Variants in TAOK2 observed in about 807,000 individuals in gnomAD.
TAOK2 encodes the protein TAO kinase 2.
Under a neutral mutation model 122.5 loss-of-function variants are expected in TAOK2, and 42 were observed. The ratio of observed to expected loss-of-function variants is 0.34; its 90% CI spans 0.27 to 0.44. The LOEUF (loss-of-function observed/expected upper bound fraction) is 0.44, where lower values mean the gene tolerates loss of function less well. TAOK2 is among the 20% of genes least tolerant of loss of function. TAOK2 has a pLI of 1.00. For synonymous variants in TAOK2, 704 were observed against 677.6 expected, an observed-to-expected ratio of 1.04 and a Z score of -0.61; for missense variants, 1,264 against 1,644.9, an observed-to-expected ratio of 0.77 and a Z score of 4.01.
chr16:29,989,700 G>T (rs1438630126), downstream of TAOK2: 9 of 1,614,096 alleles, frequency 5.6e-6, no homozygotes, highest in Non-Finnish European at 7.6e-6. Flanking sequence ...CCAAAGCTCA[G>T]CACAAGAGCC....
chr16:29,982,051 A>C (rs994466913), intron 10 of TAOK2, 111 bp downstream of exon 10: 13 of 870,650 alleles, frequency 1.5e-5, no homozygotes, highest in Non-Finnish European at 2.4e-5. Context: ...AGCTTCGTTG[A>C]TGAATTCCCA....
chr16:29,980,733 T>TC (rs947540051), intron 8 of TAOK2: 2 of 152,198 alleles, frequency 1.3e-5, no homozygotes, highest in African/African-American at 4.8e-5. Flanking sequence ...GCTAGATCTG[T>TC]CCATTTTATT....
Position 29,979,518 on chromosome 16 carries a change from T to G in TAOK2, c.655+10T>G, listed in dbSNP as rs1168562889. 1 of 1,507,714 alleles carries G rather than the reference T, an allele frequency of 6.6e-7. No homozygotes were observed. The highest frequency in any genetic ancestry group is 1.4e-5 in the African/African-American group (1 of 71,488). 93.4% of individuals were successfully genotyped at this position (1,507,714 alleles called of 1,614,324 possible). A position where few individuals can be genotyped will look rare whatever the true frequency, so the allele number is the denominator to read the frequency against. On this transcript the variant is annotated intron_variant, in intron 8 of 15. Coordinates refer to ENST00000308893, the MANE Select transcript of TAOK2 (RefSeq NM_016151.4). This position sits in a 1 kb window ranked among gnomAD's most constrained non-coding sequence, Gnocchi z 4.1. ...ACCTGCATCGAGCTGGGTAAGAACATCCTCCCTGTTCCCTCATCATCTTTT... is the reference window on the plus strand; with the variant it reads ...ACCTGCATCGAGCTGGGTAAGAACAGCCTCCCTGTTCCCTCATCATCTTTT...
At chr16:29,981,633 CCTT>C (rs1337490862) in intron 8 of TAOK2, 25 bp from the exon 9 acceptor site, 6 of 1,610,702 alleles carry the variant, frequency 3.7e-6, no homozygotes, top group South Asian at 2.2e-5. Flanking sequence ...CCACCTCTCA[CCTT>C]CTTCCCTTTC....
Position 29,985,216 on chromosome 16 carries a change from A to C in TAOK2, c.1426A>C (p.Ser476Arg), listed in dbSNP as rs761841772. 1 of 1,498,560 alleles carries C rather than the reference A, an allele frequency of 6.7e-7. No individual in the cohort carries two copies. The highest frequency in any genetic ancestry group is 1.4e-5 in the South Asian group (1 of 72,016). The allele number at this position is 1,498,560 out of a possible 1,614,324, so 92.8% of individuals were successfully genotyped here. ...FATIRTASLV[S>R]RQIQEHEQDS... ...CTCACCCTCTCTCCTTCCCCAGGTCAGCCGTCAGATCCAGGAGCATGAGCA... is the reference window on the plus strand; with the variant it reads ...CTCACCCTCTCTCCTTCCCCAGGTCCGCCGTCAGATCCAGGAGCATGAGCA... Residue 476 changes from serine (S) to arginine (R), a missense_variant, in exon 14 of 16, where the codon AGC becomes CGC. Transcript: ENST00000308893. The surrounding 1 kb of genome is among the most constrained non-coding windows in gnomAD (Gnocchi z 6.9).
intron 11 of TAOK2, 34 bp downstream of exon 11, chr16:29,982,935 C>T (rs1233408327): frequency 3.1e-6 from 5 of 1,610,688 alleles, no homozygotes; most frequent in Non-Finnish European, 3.4e-6. Flanking sequence ...CCTCTTTATA[C>T]CCCATGTGTG....
chr16:29,989,817 G>C, downstream of TAOK2: 2 of 1,611,984 alleles, frequency 1.2e-6, no homozygotes, highest in Non-Finnish European at 1.7e-6. Context: ...TGAGGCCTGG[G>C]GTCCAGGGAG....
At chr16:29,991,212 T>C (rs2150911644), downstream of TAOK2, 1 of 1,611,046 alleles carries the variant, frequency 6.2e-7, no homozygotes, top group South Asian at 1.1e-5. The surrounding 1 kb of genome is among the most constrained non-coding windows in gnomAD (Gnocchi z 5.6). Flanking sequence ...TGCCCAGGGC[T>C]ATCCTGCTCC....
At chr16:29,989,101 C>A (rs904876696), downstream of TAOK2, 1 of 985,346 alleles carries the variant, frequency 1.0e-6, no homozygotes, top group African/African-American at 1.7e-5. Context: ...TGTCCTTAGT[C>A]GTGTTGCTTT....
At position 29,978,838 on chromosome 16, in the gene TAOK2, C is replaced by G; in HGVS notation, c.346C>G (p.Leu116Val). ...EYCLGSASDLLEVHKKPLQEV... is the reference protein window; with the variant it reads ...EYCLGSASDLVEVHKKPLQEV... Reference sequence around the variant, plus strand: ...TTGCCTGGGCTCAGCTTCTGACCTTCTAGAAGGTAAGTGACTGATAGGCCA... The same window carrying G: ...TTGCCTGGGCTCAGCTTCTGACCTTGTAGAAGGTAAGTGACTGATAGGCCA... The change falls in exon 5 of 16, where the codon CTA (leucine) becomes GTA (valine). Residue 116 changes from leucine to valine, a missense_variant. Leu to Val is a conservative substitution (Grantham distance 32, BLOSUM62 1). Around this residue, in one of 4 missense-constraint regions of TAOK2, gnomAD observed 254 missense variants for 503.8 expected, o/e 0.50. Transcript: ENST00000308893. 3.1e-6 allele frequency: 5 copies of G among 1,613,928 alleles called. No individual in the cohort carries two copies. Among genetic ancestry groups the G allele is most frequent in the Non-Finnish European group, 4.2e-6 (5 of 1,179,934 alleles).
Position 29,973,907 on chromosome 16 carries a change from G to A in TAOK2, c.-777G>A. On this transcript the variant is annotated 5_prime_UTR_variant, in exon 1 of 16. Coordinates refer to ENST00000308893, the MANE Select transcript of TAOK2 (RefSeq NM_016151.4). ...TGGGAGGAAGAGGGAGAGGGAGACC[G>A]GGACGAGACCGGGGCTGTGGTGCGG... 1 of 152,674 alleles carries A rather than the reference G, an allele frequency of 6.5e-6. No individual in the cohort carries two copies. Among genetic ancestry groups the A allele is most frequent in the East Asian group, 1.9e-4 (1 of 5,188 alleles). The allele number at this position is 152,674 out of a possible 1,614,324, so 9.5% of individuals were successfully genotyped here.
At chr16:29,978,682 G>A (rs754503704) in intron 4 of TAOK2, 117 bp from the exon 5 acceptor site, 17 of 1,183,996 alleles carry the variant, frequency 1.4e-5, no homozygotes, top group Non-Finnish European at 2.1e-5. Context: ...GTCTCCAGTT[G>A]CGCTTCCTCC....
In TAOK2 at chr16:29,985,177, G is replaced by A. The variant is rs1418334830; in HGVS notation, c.1423-36G>A. On this transcript the variant is annotated intron_variant, in intron 13 of 15. Transcript: ENST00000308893. The surrounding 1 kb of genome is among the most constrained non-coding windows in gnomAD (Gnocchi z 6.9). ...CTTGTGTTAATTAACTAGGGGCCAG[G>A]CTGAGCCCCAGCTCTCACCCTCTCT... 2.0e-6 allele frequency: 3 copies of A among 1,480,750 alleles called. No homozygotes were observed. Among genetic ancestry groups the A allele is most frequent in the Middle Eastern group, 1.8e-4 (1 of 5,494 alleles). The allele number at this position is 1,480,750 out of a possible 1,614,324, so 91.7% of individuals were successfully genotyped here.
At position 29,974,175 on chromosome 16, in the gene TAOK2, C is replaced by G. The variant is rs1250097921; in HGVS notation, c.-509C>G. 6.6e-6 allele frequency: 1 copy of G among 152,278 alleles called. No homozygotes were observed. The highest frequency in any genetic ancestry group is 1.5e-5 in the Non-Finnish European group (1 of 68,098). The allele number at this position is 152,278 out of a possible 1,614,324, so 9.4% of individuals were successfully genotyped here. On this transcript the variant is annotated 5_prime_UTR_variant, in exon 1 of 16. Coordinates refer to ENST00000308893, the MANE Select transcript of TAOK2 (RefSeq NM_016151.4). ...CTCAGGCCCCTGGGTCCCAAATTTCCAGGCTTTGCCCCTCCTCCTTTCTCA... is the reference window on the plus strand; with the variant it reads ...CTCAGGCCCCTGGGTCCCAAATTTCGAGGCTTTGCCCCTCCTCCTTTCTCA...
intron 10 of TAOK2, among the ~76,000 whole-genome samples, chr16:29,982,282 A>G (rs1479726536): frequency 6.6e-6 from 1 of 152,166 alleles, no homozygotes. Context: ...GGGTAAATGT[A>G]TGATTTCCCT....
chr16:29,975,664 G>A (rs1473452857), intron 1 of TAOK2, among the ~76,000 whole-genome samples: 1 of 152,174 alleles, frequency 6.6e-6, no homozygotes, highest in Non-Finnish European at 1.5e-5. Flanking sequence ...GGATTCCTGA[G>A]AGGGCTCTCT....
rs751975585 is a variant in TAOK2 at position 29,979,109 on chromosome 16, A to G, written c.449+39A>G. The G allele has an allele frequency of 4.3e-6, 7 of 1,612,284 alleles. No homozygotes were observed. The highest frequency in any genetic ancestry group is 4.0e-5 in the African/African-American group (3 of 74,878). On this transcript the variant is annotated intron_variant, in intron 6 of 15. Coordinates refer to ENST00000308893, the MANE Select transcript of TAOK2 (RefSeq NM_016151.4). This position sits in a 1 kb window ranked among gnomAD's most constrained non-coding sequence, Gnocchi z 4.1. The stretch of plus-strand genomic sequence containing the variant: ...CGGCAGTGCCTGGGAGGGGAGTGCT[A>G]TCTGCACCACCTGTCACTTAGCTGG...
chr16:29,987,216 G>T lies in TAOK2; in HGVS notation c.2944G>T (p.Gly982Trp), dbSNP rs1458728329. The T allele has an allele frequency of 1.9e-6, 3 of 1,546,166 alleles. No homozygotes were observed. The highest frequency in any genetic ancestry group is 2.6e-6 in the Non-Finnish European group (3 of 1,152,436). Residue 982 changes from glycine to tryptophan, a missense_variant, in exon 16 of 16, where the codon GGG becomes TGG. By Grantham distance (184) the Gly-to-Trp change is radical. Coordinates refer to ENST00000308893, the MANE Select transcript of TAOK2 (RefSeq NM_016151.4). ...LLLPLLAAQG[G>W]GGLQAALLAL... is the part of the protein sequence containing the mutation. ...GCTTCCATTGCTGGCAGCCCAGGGT[G>T]GGGGTGGCCTGCAGGCAGCGCTGCT...
At chr16:29,976,173 GT>G in intron 1 of TAOK2, among the ~76,000 whole-genome samples, 1 of 152,312 alleles carries the variant, frequency 6.6e-6, no homozygotes, top group Non-Finnish European at 1.5e-5. Flanking sequence ...TGGTAAAGAG[GT>G]CAGGAAGATT....
Sources: allele counts gnomAD v4.1 joint callset (sites outside exome capture counted in the v4.1 genomes callset), GRCh38; gene constraint gnomAD v4.1.1; regional missense constraint gnomAD v4.1.1; non-coding constraint Gnocchi (gnomAD v3.1); transcripts MANE v1.5; gene names NCBI Gene and HGNC (gene_info 2026-07-23, HGNC 2026-07-21).